Variants in E2F3 observed in about 807,000 individuals in gnomAD.
The protein encoded by E2F3 is E2F transcription factor 3.
E2F3 carries 11 observed loss-of-function variants against 44.4 expected under a neutral mutation model. The ratio of observed to expected loss-of-function variants is 0.25; its 90% CI spans 0.16 to 0.41. The LOEUF (loss-of-function observed/expected upper bound fraction) is 0.41. Ranked by LOEUF, E2F3 falls within the 10% of genes least tolerant of loss-of-function variation. E2F3 has a pLI of 1.00. For missense variants in E2F3, 487 were observed against 583.6 expected (o/e 0.83, Z 1.70); for synonymous variants, 249 against 253.0 (o/e 0.98, Z 0.15).
intron 2 of E2F3, among the ~76,000 whole-genome samples, chr6:20,480,270 C>T (rs1762178119): frequency 1.3e-5 from 2 of 152,172 alleles, no homozygotes; most frequent in Admixed American, 1.3e-4. Flanking sequence ...GACATTGCTT[C>T]AGAGTCTGAG....
At chr6:20,466,235 C>T (rs1761707354) in intron 1 of E2F3, among the ~76,000 whole-genome samples, 1 of 152,126 alleles carries the variant, frequency 6.6e-6, no homozygotes, top group African/African-American at 2.4e-5. Flanking sequence ...ACCTCAGCCT[C>T]CTGAGTAGCT....
chr6:20,483,324 G>T (rs548514871), intron 4 of E2F3, among the ~76,000 whole-genome samples: 1 of 152,248 alleles, frequency 6.6e-6, no homozygotes, highest in South Asian at 2.1e-4. Flanking sequence ...GATTTTTGGT[G>T]GGTGTTAGCT....
intron 1 of E2F3, among the ~76,000 whole-genome samples, chr6:20,430,982 G>A (rs769340561): frequency 1.6e-4 from 24 of 152,086 alleles, no homozygotes; most frequent in Non-Finnish European, 2.6e-4. Flanking sequence ...CCAAGATGGC[G>A]CCACTGCAGT....
chr6:20,428,691 C>G (rs1323670147), intron 1 of E2F3, among the ~76,000 whole-genome samples: 1 of 152,204 alleles, frequency 6.6e-6, no homozygotes, highest in Non-Finnish European at 1.5e-5. Context: ...AAACAGGTCT[C>G]TTGCCTAAAT....
intron 1 of E2F3, chr6:20,403,681 CGCCACCCTCCCTCTCCTCT>C: frequency 1.8e-6 from 1 of 562,912 alleles, no homozygotes; most frequent in Non-Finnish European, 3.0e-6. Context: ...CCCCCGGCAC[CGCCACCCTCCCTCTCCTCT>C]CCCCACCCCC....
intron 1 of E2F3, among the ~76,000 whole-genome samples, chr6:20,462,794 T>C (rs1761557974): frequency 1.4e-5 from 2 of 147,444 alleles, no homozygotes; most frequent in African/African-American, 4.9e-5. Context: ...AATAAAAACC[T>C]GGGTATCGGG....
At chr6:20,477,758 C>G (rs899450608) in intron 1 of E2F3, among the ~76,000 whole-genome samples, 2 of 152,150 alleles carry the variant, frequency 1.3e-5, no homozygotes, top group Non-Finnish European at 2.9e-5. Context: ...AATAGATTTA[C>G]TATTCATTAC....
rs1762366822 is a variant in E2F3 at position 20,485,621 on chromosome 6, T to C, written c.885-1068T>C. Among the ~76,000 whole-genome samples the C allele has an allele frequency of 2.0e-5, 3 of 152,318 alleles. No homozygotes were observed. In the South Asian group the frequency reaches 6.2e-4, roughly 32 times the overall value. On this transcript the variant is annotated intron_variant, in intron 4 of 6. Coordinates refer to ENST00000346618, the MANE Select transcript of E2F3 (RefSeq NM_001949.5). The stretch of plus-strand genomic sequence containing the variant: ...AACTACCAAGAGTACTGAGATATTA[T>C]ACTTTTCTCTTTTCCTAAATCAGTG...
At chr6:20,417,135 A>C (rs1333974795) in intron 1 of E2F3, among the ~76,000 whole-genome samples, 1 of 152,222 alleles carries the variant, frequency 6.6e-6, no homozygotes, top group Admixed American at 6.5e-5. Context: ...AGCTGCAATC[A>C]AATTGCCAAC....
chr6:20,462,859 C>CTCTCTTTT (rs1761564604), intron 1 of E2F3, among the ~76,000 whole-genome samples: 1 of 48,810 alleles, frequency 2.0e-5, no homozygotes, highest in African/African-American at 7.8e-5. Flanking sequence ...CTCTCTCTCT[C>CTCTCTTTT]TTTTTTTTTT....
chr6:20,445,247 C>CTTTTTT, intron 1 of E2F3: 1 of 602,758 alleles, frequency 1.7e-6, no homozygotes, highest in Non-Finnish European at 2.1e-6. Context: ...TATTTTCTCC[C>CTTTTTT]TTTTTTTTTT....
At chr6:20,480,639 T>C (rs994411267) in intron 2 of E2F3, among the ~76,000 whole-genome samples, 5 of 152,164 alleles carry the variant, frequency 3.3e-5, no homozygotes, top group African/African-American at 1.2e-4. Context: ...AAATTTCCTT[T>C]AAGAGAGATG....
intron 1 of E2F3, among the ~76,000 whole-genome samples, chr6:20,424,560 A>G (rs1481892442): frequency 6.6e-6 from 1 of 151,784 alleles, no homozygotes; most frequent in Non-Finnish European, 1.5e-5. Flanking sequence ...ATGATTTGCT[A>G]TAGATAAGGA....
rs1368321469 is a variant in E2F3 at position 20,490,726 on chromosome 6, G to A, written c.*296G>A. The A allele has an allele frequency of 1.1e-5, 3 of 269,942 alleles. No individual in the cohort carries two copies. Among genetic ancestry groups the A allele is most frequent in the East Asian group, 1.1e-4 (2 of 17,608 alleles). 16.7% of individuals were successfully genotyped at this position (269,942 alleles called of 1,614,324 possible). A position where few individuals can be genotyped will look rare whatever the true frequency, so the allele number is the denominator to read the frequency against. On this transcript the variant is annotated 3_prime_UTR_variant, in exon 7 of 7. Transcript: ENST00000346618. The surrounding 1 kb of genome is among the most constrained non-coding windows in gnomAD (Gnocchi z 4.3). ...TGTGCAATCAGGTGTCTCTCACCCC[G>A]AATTGTCCTTCCTCCTTCCTCCCCG... is the stretch of plus-strand genomic sequence containing the variant.
intron 1 of E2F3, among the ~76,000 whole-genome samples, chr6:20,461,741 T>C (rs1761517543): frequency 6.6e-6 from 1 of 152,228 alleles, no homozygotes; most frequent in Admixed American, 6.5e-5. Context: ...TATAGCCTGG[T>C]GCTAATGCTG....
At chr6:20,419,178 T>C (rs1759944076) in intron 1 of E2F3, among the ~76,000 whole-genome samples, 1 of 152,258 alleles carries the variant, frequency 6.6e-6, no homozygotes, top group African/African-American at 2.4e-5. Flanking sequence ...CCACTCGTTA[T>C]ATAGATATGC....
intron 1 of E2F3, among the ~76,000 whole-genome samples, chr6:20,476,477 G>GTT (rs1420561747): frequency 1.3e-5 from 2 of 152,230 alleles, no homozygotes; most frequent in Non-Finnish European, 2.9e-5. Flanking sequence ...CAGAGCCAGA[G>GTT]TTTTGAGTGG....
chr6:20,423,507 G>T (rs1033387850), intron 1 of E2F3, among the ~76,000 whole-genome samples: 2 of 152,140 alleles, frequency 1.3e-5, no homozygotes, highest in Non-Finnish European at 2.9e-5. Context: ...TCTTGCTCTT[G>T]TCGCCCAGGT....
chr6:20,477,089 G>A (rs2127618410), intron 1 of E2F3, among the ~76,000 whole-genome samples: 1 of 152,250 alleles, frequency 6.6e-6, no homozygotes, highest in East Asian at 1.9e-4. Flanking sequence ...CAAAAATTTA[G>A]ATAGATCTTT....
Sources: allele counts gnomAD v4.1 joint callset (sites outside exome capture counted in the v4.1 genomes callset), GRCh38; gene constraint gnomAD v4.1.1; non-coding constraint Gnocchi (gnomAD v3.1); transcripts MANE v1.5; gene names NCBI Gene and HGNC (gene_info 2026-07-23, HGNC 2026-07-21).